Variants in MRPS34 observed in about 807,000 individuals in gnomAD.
The protein encoded by MRPS34 is mitochondrial ribosomal protein S34.
Under a neutral mutation model 13.3 loss-of-function variants are expected in MRPS34, and 12 were observed. The ratio of observed to expected loss-of-function variants is 0.90; its 90% CI spans 0.58 to 1.46. The LOEUF (loss-of-function observed/expected upper bound fraction) is 1.46. Ranked by LOEUF, MRPS34 falls within the 40% of genes most tolerant of loss-of-function variation. The pLI is 0.00. For synonymous variants in MRPS34, 181 were observed against 149.3 expected, an observed-to-expected ratio of 1.21 and a Z score of -1.55; for missense variants, 419 against 335.3, an observed-to-expected ratio of 1.25 and a Z score of -1.95.
rs2042643737 is a variant in MRPS34, at chr16:1,772,874, G to C, written c.246C>G (p.Arg82=). 2.1e-6 allele frequency: 3 copies of C among 1,453,114 alleles called. No homozygotes were observed. Among genetic ancestry groups the C allele is most frequent in the African/African-American group, 1.4e-5 (1 of 69,580 alleles). The allele number at this position is 1,453,114 out of a possible 1,614,324, so 90.0% of individuals were successfully genotyped here. Residue 82 remains arginine, a synonymous_variant, in exon 1 of 3, where the codon CGC becomes CGG. Transcript: ENST00000397375. ...CGTCGTGCTGCCACAGCCAGGACTTGCGCGTGACCAGGCGGCCCAGGCCGA... is the reference window on the plus strand; with the variant it reads ...CGTCGTGCTGCCACAGCCAGGACTTCCGCGTGACCAGGCGGCCCAGGCCGA... The part of the protein sequence containing the change: ...PLFGLGRLVT[R]KSWLWQHDEP...
Position 1,772,390 on chromosome 16 carries a change from G to A in MRPS34, c.488C>T (p.Ser163Phe). The A allele has an allele frequency of 1.2e-6, 2 of 1,611,990 alleles. No homozygotes were observed. Among genetic ancestry groups the A allele is most frequent in the South Asian group, 2.2e-5 (2 of 91,090 alleles). ...CCGGAGGAGAGGCGGGTACGGCACG[G>A]AGGCCAGGCTGTCTTCCGGCGCCGG... ...FTPAPEDSLA[S>F]VPYPPLLRAM... The change falls in exon 3 of 3, where the codon TCC (serine) becomes TTC (phenylalanine). Residue 163 changes from serine (S) to phenylalanine (F), a missense_variant. By Grantham distance (155) the Ser-to-Phe change is radical. Transcript: ENST00000397375.
In MRPS34 at chr16:1,772,264, G is replaced by T. The variant is rs1190634567; in HGVS notation, c.614C>A (p.Ala205Glu). ...GGCCCTTCCTTTGTCTTCCTGTTTT[G>T]CAGGGTAATCCCAGGGTTCCATGCG... ...RIRMEPWDYP[A>E]KQEDKGRAKG... Residue 205 changes from alanine to glutamate, a missense_variant, in exon 3 of 3, where the codon GCA becomes GAA. By Grantham distance (107) the Ala-to-Glu change is moderately radical. Transcript: ENST00000397375. 25 of 1,611,840 alleles carry T rather than the reference G, an allele frequency of 1.6e-5. No homozygotes were observed. The East Asian group carries it at 5.3e-4, about 34-fold the overall frequency.
In MRPS34 at chr16:1,772,281, T is replaced by A. The variant is rs781659815; in HGVS notation, c.597A>T (p.Glu199Asp). The change falls in exon 3 of 3, where the codon GAA becomes GAT. Residue 199 changes from glutamate (E) to aspartate (D), a missense_variant. Glu to Asp is a conservative substitution (Grantham distance 45, BLOSUM62 2). Transcript: ENST00000397375. Reference sequence around the variant, plus strand: ...CCTGTTTTGCAGGGTAATCCCAGGGTTCCATGCGTATCCTCTGCACATTCA... The same window carrying A: ...CCTGTTTTGCAGGGTAATCCCAGGGATCCATGCGTATCCTCTGCACATTCA... The part of the protein sequence containing the change: ...PMLNVQRIRM[E>D]PWDYPAKQED... The A allele has an allele frequency of 5.6e-6, 9 of 1,612,816 alleles. No homozygotes were observed. Among genetic ancestry groups the A allele is most frequent in the Non-Finnish European group, 7.6e-6 (9 of 1,179,968 alleles).
Position 1,772,413 on chromosome 16 carries a change from C to T in MRPS34, c.465G>A (p.Pro155=). 1 of 1,611,934 alleles carries T rather than the reference C, an allele frequency of 6.2e-7. No individual in the cohort carries two copies. Among genetic ancestry groups the T allele is most frequent in the Non-Finnish European group, 8.5e-7 (1 of 1,179,990 alleles). The change falls in exon 3 of 3, where the codon CCG becomes CCA. Residue 155 remains proline (P), a synonymous_variant. Transcript: ENST00000397375. The stretch of plus-strand genomic sequence containing the variant: ...CGGAGGCCAGGCTGTCTTCCGGCGC[C>T]GGCGTGAACGCGGTGAAGGCCTCCT... ...HEEEAFTAFT[P]APEDSLASVP... is the part of the protein sequence containing the mutation.
chr16:1,772,946 C>T lies in MRPS34; in HGVS notation c.174G>A (p.Val58=). The change falls in exon 1 of 3, where the codon GTG becomes GTA. Residue 58 remains valine, a synonymous_variant. Transcript: ENST00000397375. ...GCTGCAAGAGGCGGCTCTCGCGGCG[C>T]ACGTCGGCCCAGGCCCGGACCGGCA... ...RRLPVRAWAD[V]RRESRLLQLL... 4.2e-6 allele frequency: 6 copies of T among 1,445,556 alleles called. No homozygotes were observed. Among genetic ancestry groups the T allele is most frequent in the South Asian group, 1.4e-5 (1 of 69,760 alleles). 89.5% of individuals were successfully genotyped at this position (1,445,556 alleles called of 1,614,324 possible).
Position 1,773,032 on chromosome 16 carries a change from C to A in MRPS34, c.88G>T (p.Asp30Tyr). 1 of 1,437,776 alleles carries A rather than the reference C, an allele frequency of 7.0e-7. No homozygotes were observed. Among genetic ancestry groups the A allele is most frequent in the Non-Finnish European group, 9.1e-7 (1 of 1,096,810 alleles). 89.1% of individuals were successfully genotyped at this position (1,437,776 alleles called of 1,614,324 possible). The change falls in exon 1 of 3, where the codon GAC becomes TAC. Residue 30 changes from aspartate to tyrosine, a missense_variant. Physicochemically the swap from Asp to Tyr is radical, Grantham distance 160 (BLOSUM62 -3). Transcript: ENST00000397375. Reference sequence around the variant, plus strand: ...TAGTCCACCGCGTAGAGCTGGGAGTCGCGCGGCCTGTTCAGTTGCTCCCGC... The same window carrying A: ...TAGTCCACCGCGTAGAGCTGGGAGTAGCGCGGCCTGTTCAGTTGCTCCCGC... ...ALREQLNRPRDSQLYAVDYET... is the reference protein window; with the variant it reads ...ALREQLNRPRYSQLYAVDYET...
rs760486243 is a variant in MRPS34 at position 1,772,313 on chromosome 16, G to A, written c.565C>T (p.Pro189Ser). The change falls in exon 3 of 3, where the codon CCC becomes TCC. Residue 189 changes from proline (P) to serine (S), a missense_variant. Coordinates refer to ENST00000397375, the MANE Select transcript of MRPS34 (RefSeq NM_023936.2). ...QKNGDTSTEE[P>S]MLNVQRIRME... ...CGTATCCTCTGCACATTCAGCATGG[G>A]CTCCTCGGTGCTTGTGTCTCCATTT... 1 of 1,612,952 alleles carries A rather than the reference G, an allele frequency of 6.2e-7. No homozygotes were observed. The highest frequency in any genetic ancestry group is 8.5e-7 in the Non-Finnish European group (1 of 1,180,008).
Position 1,772,180 on chromosome 16 carries a change from C to G in MRPS34, c.*41G>C. The G allele has an allele frequency of 1.9e-6, 3 of 1,572,732 alleles. No individual in the cohort carries two copies. The highest frequency in any genetic ancestry group is 2.6e-6 in the Non-Finnish European group (3 of 1,159,728). ...GTTTCTTTCATCAATAAGGTCCCCA[C>G]TGCCTCACAGCCCCTAAGGCCACCC... is the stretch of plus-strand genomic sequence containing the variant. On this transcript the variant is annotated 3_prime_UTR_variant, in exon 3 of 3. Transcript: ENST00000397375.
chr16:1,773,131 G>T lies in MRPS34; in HGVS notation c.-12C>A, dbSNP rs1248725563. ...TTCTTCCGCGCCATGGCGGGTCCGC[G>T]TCCTCAGCGGTCCGGCCGGAAGTCA... On this transcript the variant is annotated 5_prime_UTR_variant, in exon 1 of 3. Transcript: ENST00000397375. The T allele has an allele frequency of 2.9e-6, 4 of 1,389,502 alleles. No individual in the cohort carries two copies. Among genetic ancestry groups the T allele is most frequent in the Admixed American group, 3.5e-5 (1 of 28,862 alleles). The allele number at this position is 1,389,502 out of a possible 1,614,324, so 86.1% of individuals were successfully genotyped here. A position where few individuals can be genotyped will look rare whatever the true frequency, so the allele number is the denominator to read the frequency against.
Position 1,772,873 on chromosome 16 carries a change from T to TG in MRPS34, c.246dup (p.Lys83GlnfsTer43). 2 of 1,453,138 alleles carry TG rather than the reference T, an allele frequency of 1.4e-6. No individual in the cohort carries two copies. 90.0% of individuals were successfully genotyped at this position (1,453,138 alleles called of 1,614,324 possible). ...TCGTCGTGCTGCCACAGCCAGGACT[T>TG]GCGCGTGACCAGGCGGCCCAGGCCG... is the stretch of plus-strand genomic sequence containing the variant. On this transcript the variant is annotated frameshift_variant, in exon 1 of 3. Transcript: ENST00000397375. LOFTEE classifies it high-confidence loss of function.
chr16:1,772,877 C>T lies in MRPS34; in HGVS notation c.243G>A (p.Thr81=). The T allele has an allele frequency of 6.9e-7, 1 of 1,452,734 alleles. No homozygotes were observed. Among genetic ancestry groups the T allele is most frequent in the Non-Finnish European group, 9.0e-7 (1 of 1,110,134 alleles). The allele number at this position is 1,452,734 out of a possible 1,614,324, so 90.0% of individuals were successfully genotyped here. ...CGTGCTGCCACAGCCAGGACTTGCG[C>T]GTGACCAGGCGGCCCAGGCCGAAGA... ...LPLFGLGRLV[T]RKSWLWQHDE... is the part of the protein sequence containing the mutation. Residue 81 remains threonine (T), a synonymous_variant, in exon 1 of 3, where the codon ACG becomes ACA. Transcript: ENST00000397375.
rs1408296160 is a variant in MRPS34, at chr16:1,772,085, A to G, written c.*136T>C. On this transcript the variant is annotated 3_prime_UTR_variant, in exon 3 of 3. Transcript: ENST00000397375. ...CCCAGCCCTCCCCCCTAAGATGCAG[A>G]CCCTCAGAACACGTCGCGGAAGGTG... is the stretch of plus-strand genomic sequence containing the variant. 1.1e-6 allele frequency: 1 copy of G among 919,254 alleles called. No homozygotes were observed. The highest frequency in any genetic ancestry group is 1.7e-5 in the African/African-American group (1 of 60,326). The allele number at this position is 919,254 out of a possible 1,614,324, so 56.9% of individuals were successfully genotyped here.
chr16:1,772,081 G>T lies in MRPS34; in HGVS notation c.*140C>A. On this transcript the variant is annotated 3_prime_UTR_variant, in exon 3 of 3. Coordinates refer to ENST00000397375, the MANE Select transcript of MRPS34 (RefSeq NM_023936.2). ...TTGCCCCAGCCCTCCCCCCTAAGAT[G>T]CAGACCCTCAGAACACGTCGCGGAA... 1.1e-6 allele frequency: 1 copy of T among 901,622 alleles called. No homozygotes were observed. The highest frequency in any genetic ancestry group is 1.7e-6 in the Non-Finnish European group (1 of 587,466). 55.9% of individuals were successfully genotyped at this position (901,622 alleles called of 1,614,324 possible).
At position 1,772,523 on chromosome 16, in the gene MRPS34, A is replaced by T. The variant is rs781216948; in HGVS notation, c.365-10T>A. On this transcript the variant is annotated splice_polypyrimidine_tract_variant and intron_variant, in intron 2 of 2. Coordinates refer to ENST00000397375, the MANE Select transcript of MRPS34 (RefSeq NM_023936.2). ...TCGCTCTCAGTCTTCCCTGATGAAG[A>T]AAAAGAGGCGTCTGCACACACTTGC... 6.2e-7 allele frequency: 1 copy of T among 1,610,630 alleles called. No individual in the cohort carries two copies. The highest frequency in any genetic ancestry group is 8.5e-7 in the Non-Finnish European group (1 of 1,178,470).
intron 1 of MRPS34, 75 bp downstream of exon 1, chr16:1,772,724 G>A (rs2042640468): frequency 1.9e-6 from 3 of 1,561,714 alleles, no homozygotes; most frequent in African/African-American, 1.3e-5. Flanking sequence ...CCTCAGCCAC[G>A]CAAACCTGCA....
rs1296806528 is a variant in MRPS34 at position 1,772,703 on chromosome 16, G to A, written c.322-57C>T. 1.1e-5 allele frequency: 18 copies of A among 1,579,298 alleles called. No homozygotes were observed. In the East Asian group the frequency reaches 3.6e-4, roughly 32 times the overall value. On this transcript the variant is annotated intron_variant, in intron 1 of 2. Coordinates refer to ENST00000397375, the MANE Select transcript of MRPS34 (RefSeq NM_023936.2). ...GCAAAGCTCTCGGCCCCCGAGGTCA[G>A]GAGGTGGGAGCCTCAGCCACGCAAA...
Position 1,772,519 on chromosome 16 carries a change from G to A in MRPS34, c.365-6C>T, listed in dbSNP as rs2042636014. On this transcript the variant is annotated splice_polypyrimidine_tract_variant and splice_region_variant and intron_variant, in intron 2 of 2. Transcript: ENST00000397375. The stretch of plus-strand genomic sequence containing the variant: ...CGCCTCGCTCTCAGTCTTCCCTGAT[G>A]AAGAAAAAGAGGCGTCTGCACACAC... 4 of 1,610,882 alleles carry A rather than the reference G, an allele frequency of 2.5e-6. No individual in the cohort carries two copies. Among genetic ancestry groups the A allele is most frequent in the South Asian group, 1.1e-5 (1 of 91,056 alleles).
rs1221626035 is a variant in MRPS34 at position 1,772,963 on chromosome 16, G to C, written c.157C>G (p.Arg53Gly). 6.9e-7 allele frequency: 1 copy of C among 1,448,844 alleles called. No homozygotes were observed. 89.7% of individuals were successfully genotyped at this position (1,448,844 alleles called of 1,614,324 possible). A position where few individuals can be genotyped will look rare whatever the true frequency, so the allele number is the denominator to read the frequency against. The change falls in exon 1 of 3, where the codon CGG becomes GGG. Residue 53 changes from arginine to glycine, a missense_variant. Physicochemically the swap from Arg to Gly is moderately radical, Grantham distance 125 (BLOSUM62 -2). Transcript: ENST00000397375. The stretch of plus-strand genomic sequence containing the variant: ...TCGCGGCGCACGTCGGCCCAGGCCC[G>C]GACCGGCAGCCGGCGTCCAGAGAAC... ...RPFSGRRLPV[R>G]AWADVRRESR...
rs753331473 is a variant in MRPS34, at chr16:1,772,221, C to A, written c.657G>T (p.Ter219TyrextTer9). Residue 219 changes from the stop codon to tyrosine (Y), a stop_lost, in exon 3 of 3, where the codon TAG (stop) becomes TAT (tyrosine). Coordinates refer to ENST00000397375, the MANE Select transcript of MRPS34 (RefSeq NM_023936.2). ...AAGGCCACCCGCTGGTTCTGGCATT[C>A]TAGACGGGGGTGCCCTTGGCCCTTC... is the stretch of plus-strand genomic sequence containing the variant. ...DKGRAKGTPV* is the reference protein window; with the variant it reads ...DKGRAKGTPVY 1.2e-6 allele frequency: 2 copies of A among 1,600,926 alleles called. No individual in the cohort carries two copies. The highest frequency in any genetic ancestry group is 8.5e-7 in the Non-Finnish European group (1 of 1,175,160).
Sources: allele counts gnomAD v4.1 joint callset, GRCh38; gene constraint gnomAD v4.1.1; transcripts MANE v1.5; gene names NCBI Gene and HGNC (gene_info 2026-07-23, HGNC 2026-07-21).